UNC5B: variants seen among roughly 807,000 people sequenced by gnomAD.
The protein encoded by UNC5B is unc-5 netrin receptor B.
Under a neutral mutation model 103.7 loss-of-function variants are expected in UNC5B, and 56 were observed. That is an observed-to-expected ratio of 0.54 (90% CI 0.44 to 0.67). UNC5B has a LOEUF of 0.67. Ranked by LOEUF, UNC5B falls within the 30% of genes least tolerant of loss-of-function variation. UNC5B has a pLI of 0.00. For synonymous variants in UNC5B, 577 were observed against 542.0 expected (o/e 1.06, Z -0.90); for missense variants, 1,194 against 1,284.5 (o/e 0.93, Z 1.08).
At chr10:71,237,620 T>C (rs1251008284) in intron 1 of UNC5B, among the ~76,000 whole-genome samples, 3 of 152,178 alleles carry the variant, frequency 2.0e-5, no homozygotes, top group African/African-American at 7.2e-5. Flanking sequence ...TTAACTATTA[T>C]TATGCAAGGT....
At chr10:71,270,337 C>T (rs1041711796) in intron 1 of UNC5B, among the ~76,000 whole-genome samples, 9 of 54,616 alleles carry the variant, frequency 1.6e-4, no homozygotes, top group African/African-American at 5.3e-4. Flanking sequence ...TGAGACTCTG[C>T]GGAAGGGAGG....
rs1366851861 is a variant in UNC5B, at chr10:71,212,736, A to T, written c.-250A>T. ...GCGCCGGAGCCAGGCGAGCGCTCAG[A>T]GACCCGGAGCCAGAGGGGCGCGCCG... On this transcript the variant is annotated 5_prime_UTR_variant, in exon 1 of 17. Transcript: ENST00000335350. 4.4e-5 allele frequency: 15 copies of T among 337,916 alleles called. No homozygotes were observed. The highest frequency in any genetic ancestry group is 8.0e-5 in the Non-Finnish European group (15 of 187,272). 20.9% of individuals were successfully genotyped at this position (337,916 alleles called of 1,614,324 possible).
Position 71,213,043 on chromosome 10 carries a change from G to A in UNC5B, c.58G>A (p.Asp20Asn), listed in dbSNP as rs1312672796. 6 of 1,412,592 alleles carry A rather than the reference G, an allele frequency of 4.2e-6. No individual in the cohort carries two copies. The South Asian group carries it at 8.2e-5, about 19-fold the overall frequency. The allele number at this position is 1,412,592 out of a possible 1,614,324, so 87.5% of individuals were successfully genotyped here. ...GCTGCTGGCACTGCTGCTCTGCTGG[G>A]ACCCGAGGCTGAGCCAAGCAGGTAG... ...ALLLALLLCWDPRLSQAGTDS... is the reference protein window; with the variant it reads ...ALLLALLLCWNPRLSQAGTDS... Residue 20 changes from aspartate to asparagine, a missense_variant, in exon 1 of 17, where the codon GAC (aspartate) becomes AAC (asparagine). Asp to Asn is a conservative substitution (Grantham distance 23). Transcript: ENST00000335350. This position sits in a 1 kb window ranked among gnomAD's most constrained non-coding sequence, Gnocchi z 4.1.
In UNC5B at chr10:71,298,089, C is replaced by G. The variant is rs919375260; in HGVS notation, c.2671C>G (p.Arg891Gly). 1 of 1,601,082 alleles carries G rather than the reference C, an allele frequency of 6.2e-7. No individual in the cohort carries two copies. Among genetic ancestry groups the G allele is most frequent in the Non-Finnish European group, 8.5e-7 (1 of 1,174,168 alleles). The change falls in exon 16 of 17, where the codon CGG (arginine) becomes GGG (glycine). Residue 891 changes from arginine (R) to glycine (G), a missense_variant and splice_region_variant. By Grantham distance (125) the Arg-to-Gly change is moderately radical. Transcript: ENST00000335350. Reference protein sequence around the residue: ...RMLAQKLSMDRYLNYFATKAS... With the variant: ...RMLAQKLSMDGYLNYFATKAS... ...GTTAGCACAGAAGCTCTCTATGGAC[C>G]GGTGAGTATCCCAAACCACAGCCCA... is the stretch of plus-strand genomic sequence containing the variant.
At chr10:71,250,307 G>A (rs7899034) in intron 1 of UNC5B, among the ~76,000 whole-genome samples, 31,501 of 152,220 alleles carry the variant, frequency 0.21, 3,753 homozygotes, top group Non-Finnish European at 0.28. Context: ...ACTTCCTACC[G>A]GGTTGCATGA....
chr10:71,279,734 G>T, intron 1 of UNC5B, 87 bp from the exon 2 acceptor site: 4 of 1,429,426 alleles, frequency 2.8e-6, no homozygotes, highest in Non-Finnish European at 3.8e-6. Flanking sequence ...TGTCCTCTTC[G>T]TCTGCGGTGG....
intron 7 of UNC5B, 104 bp from the exon 8 acceptor site, chr10:71,288,854 C>A: frequency 6.4e-7 from 1 of 1,557,548 alleles, no homozygotes; most frequent in Non-Finnish European, 8.8e-7. Context: ...GGGCCTCTGT[C>A]CCCCCACCAC....
chr10:71,261,735 C>A (rs924510635), intron 1 of UNC5B, among the ~76,000 whole-genome samples: 62 of 152,292 alleles, frequency 4.1e-4, no homozygotes, highest in African/African-American at 1.4e-3. Context: ...CTGGCTGGAG[C>A]CCTGCATCTG....
chr10:71,224,193 C>T (rs971200651), intron 1 of UNC5B, among the ~76,000 whole-genome samples: 2 of 151,960 alleles, frequency 1.3e-5, no homozygotes, highest in African/African-American at 2.4e-5. Flanking sequence ...TCCAGCCCCA[C>T]ATTTTCCTCC....
intron 1 of UNC5B, among the ~76,000 whole-genome samples, chr10:71,234,177 A>G (rs1843732219): frequency 1.3e-5 from 2 of 152,278 alleles, no homozygotes; most frequent in Non-Finnish European, 2.9e-5. Flanking sequence ...AGATAAGGAC[A>G]CTTGCCCAGG....
At chr10:71,217,065 G>A (rs993848914) in intron 1 of UNC5B, among the ~76,000 whole-genome samples, 1 of 152,248 alleles carries the variant, frequency 6.6e-6, no homozygotes, top group Non-Finnish European at 1.5e-5. Flanking sequence ...TGCCTGGGCA[G>A]ATGGCCCCCA....
intron 1 of UNC5B, among the ~76,000 whole-genome samples, chr10:71,225,754 A>G (rs563099263): frequency 6.6e-5 from 10 of 152,152 alleles, no homozygotes; most frequent in Admixed American, 6.5e-5. Flanking sequence ...TTGCTCCCAC[A>G]CTGTTCAGAG....
chr10:71,245,369 G>T (rs1844005865), intron 1 of UNC5B, among the ~76,000 whole-genome samples: 1 of 152,160 alleles, frequency 6.6e-6, no homozygotes, highest in Non-Finnish European at 1.5e-5. Context: ...CGTGAGCCTA[G>T]CTCTGTCTTA....
chr10:71,250,050 C>T (rs1391364865), intron 1 of UNC5B, among the ~76,000 whole-genome samples: 1 of 152,254 alleles, frequency 6.6e-6, no homozygotes, highest in Non-Finnish European at 1.5e-5. Flanking sequence ...CTTCAGGAGA[C>T]TGCCATGACA....
At chr10:71,259,682 C>T (rs1431799239) in intron 1 of UNC5B, among the ~76,000 whole-genome samples, 1 of 152,178 alleles carries the variant, frequency 6.6e-6, no homozygotes, top group Non-Finnish European at 1.5e-5. Context: ...AACGACAGCC[C>T]TGGGAGATTC....
At chr10:71,233,290 G>T (rs1843717043) in intron 1 of UNC5B, among the ~76,000 whole-genome samples, 1 of 152,126 alleles carries the variant, frequency 6.6e-6, no homozygotes, top group South Asian at 2.1e-4. Flanking sequence ...TCCTGAGGTG[G>T]CCCCATCCCG....
chr10:71,277,254 A>C (rs1464550675), intron 1 of UNC5B, among the ~76,000 whole-genome samples: 1 of 152,230 alleles, frequency 6.6e-6, no homozygotes, highest in Non-Finnish European at 1.5e-5. Flanking sequence ...ACATGCACCC[A>C]TGGGCCCCCA....
At chr10:71,241,783 G>A (rs919831176) in intron 1 of UNC5B, among the ~76,000 whole-genome samples, 1 of 152,064 alleles carries the variant, frequency 6.6e-6, no homozygotes, top group African/African-American at 2.4e-5. Context: ...TGCCGCCCAA[G>A]GACGCAGGAT....
At chr10:71,255,410 G>A (rs1052953715) in intron 1 of UNC5B, among the ~76,000 whole-genome samples, 1 of 152,198 alleles carries the variant, frequency 6.6e-6, no homozygotes, top group Non-Finnish European at 1.5e-5. Context: ...GGGCCCACAG[G>A]GTGGTAAGAA....
Sources: gnomAD v4.1 joint callset for allele counts (sites outside exome capture counted in the v4.1 genomes callset) on GRCh38, gnomAD v4.1.1 for gene constraint, Gnocchi (gnomAD v3.1) non-coding constraint, MANE v1.5 for transcripts, NCBI Gene and HGNC (gene_info 2026-07-23, HGNC 2026-07-21) for gene names.